Variants in KCNK2 observed in about 807,000 individuals in gnomAD.
KCNK2 encodes potassium channel subfamily K member 2.
KCNK2 carries 21 observed loss-of-function variants against 40.5 expected under a neutral mutation model. The ratio of observed to expected loss-of-function variants is 0.52; its 90% confidence interval spans 0.37 to 0.75. The LOEUF (loss-of-function observed/expected upper bound fraction) is 0.75, where lower values mean the gene tolerates loss of function less well. KCNK2 is among the 30% of genes least tolerant of loss of function. The pLI is 0.00. For synonymous variants in KCNK2, 191 were observed against 202.2 expected, an observed-to-expected ratio of 0.94 and a Z score of 0.47; for missense variants, 399 against 531.6, an observed-to-expected ratio of 0.75 and a Z score of 2.45.
chr1:215,047,313 C>T (rs1421669326), intron 1 of KCNK2, among the ~76,000 whole-genome samples: 2 of 151,982 alleles, frequency 1.3e-5, no homozygotes, highest in East Asian at 1.9e-4. Flanking sequence ...TTAAAAGACA[C>T]AGAACTTTAG....
At chr1:215,040,072 T>C (rs1657514577) in intron 1 of KCNK2, among the ~76,000 whole-genome samples, 1 of 152,128 alleles carries the variant, frequency 6.6e-6, no homozygotes. Context: ...TTAATGTATT[T>C]CAGTTCCCGT....
At chr1:215,185,953 T>C (rs1421174590) in intron 5 of KCNK2, among the ~76,000 whole-genome samples, 1 of 152,244 alleles carries the variant, frequency 6.6e-6, no homozygotes, top group African/African-American at 2.4e-5. Context: ...TGGAAAGTGA[T>C]TTATAAATGT....
intron 1 of KCNK2, among the ~76,000 whole-genome samples, chr1:215,033,549 G>T (rs926585171): frequency 2.0e-5 from 3 of 152,104 alleles, no homozygotes; most frequent in African/African-American, 4.8e-5. Flanking sequence ...ACATTGCCAT[G>T]ATTCCATTTC....
intron 1 of KCNK2, among the ~76,000 whole-genome samples, chr1:215,038,039 T>C (rs954791579): frequency 1.3e-5 from 2 of 152,026 alleles, no homozygotes; most frequent in African/African-American, 4.8e-5. Flanking sequence ...AGGAAGAAGA[T>C]TCTAGCTCTT....
rs1444742263 is a variant in KCNK2 at position 215,145,375 on chromosome 1, A to AAGACACCT, written c.475+20626_475+20633dup. ...GAGTAGCAGAGCTAGGATTTAAACC[A>AAGACACCT]AGACACCTGGGCTCTAGAGCCTGAA... is the stretch of plus-strand genomic sequence containing the variant. On this transcript the variant is annotated intron_variant, in intron 3 of 6. Coordinates refer to ENST00000444842, the MANE Select transcript of KCNK2 (RefSeq NM_001017425.3). Among the ~76,000 whole-genome samples the AAGACACCT allele has an allele frequency of 7.2e-5, 11 of 152,304 alleles. No individual in the cohort carries two copies. The South Asian group carries it at 2.1e-3, about 29-fold the overall frequency.
upstream of KCNK2, among the ~76,000 whole-genome samples, chr1:215,079,988 TC>T: frequency 6.6e-6 from 1 of 152,120 alleles, no homozygotes; most frequent in South Asian, 2.1e-4. Context: ...ACATCACTTC[TC>T]CCCCAACCCC....
chr1:215,038,007 G>A (rs535080818), intron 1 of KCNK2, among the ~76,000 whole-genome samples: 1 of 152,106 alleles, frequency 6.6e-6, no homozygotes, highest in African/African-American at 2.4e-5. Flanking sequence ...GATGTAGGTT[G>A]TCAGTCTTCT....
chr1:215,212,362 A>G (rs1233182757), intron 6 of KCNK2, among the ~76,000 whole-genome samples: 1 of 152,118 alleles, frequency 6.6e-6, no homozygotes, highest in Non-Finnish European at 1.5e-5. Context: ...AAGGTTTTTA[A>G]ATATTTTTAA....
At chr1:215,097,505 T>A (rs567545099) in intron 2 of KCNK2, among the ~76,000 whole-genome samples, 12,097 of 46,010 alleles carry the variant, frequency 0.26, 539 homozygotes, top group Non-Finnish European at 0.42. Flanking sequence ...AAAGAAAAAT[T>A]TTTTTTTGGC....
chr1:215,020,188 G>A (rs1656742421), intron 1 of KCNK2, among the ~76,000 whole-genome samples: 1 of 152,148 alleles, frequency 6.6e-6, no homozygotes, highest in African/African-American at 2.4e-5. Context: ...CTTTAAGGAT[G>A]GCTTTGTGCT....
At chr1:215,066,615 T>C (rs1658553651) in intron 1 of KCNK2, among the ~76,000 whole-genome samples, 1 of 152,206 alleles carries the variant, frequency 6.6e-6, no homozygotes, top group South Asian at 2.1e-4. Flanking sequence ...CTGCCTCTCA[T>C]TTCTGATTCC....
intron 2 of KCNK2, among the ~76,000 whole-genome samples, chr1:215,098,341 T>C (rs1660070384): frequency 1.3e-5 from 2 of 151,918 alleles, no homozygotes; most frequent in Non-Finnish European, 2.9e-5. Context: ...CAAAGAGTCA[T>C]GGTGACTCTT....
chr1:215,171,766 T>C (rs962768155), intron 4 of KCNK2, among the ~76,000 whole-genome samples: 25 of 152,160 alleles, frequency 1.6e-4, no homozygotes, highest in African/African-American at 6.0e-4. Flanking sequence ...TTAGCATTGA[T>C]TGATTTATTG....
intron 1 of KCNK2, among the ~76,000 whole-genome samples, chr1:215,060,611 G>A (rs1658332407): frequency 6.6e-6 from 1 of 152,148 alleles, no homozygotes; most frequent in Non-Finnish European, 1.5e-5. Flanking sequence ...GATCAGAGTA[G>A]CCGTAGAAAA....
upstream of KCNK2, among the ~76,000 whole-genome samples, chr1:215,079,538 G>C (rs971589743): frequency 1.3e-5 from 2 of 152,156 alleles, no homozygotes; most frequent in African/African-American, 4.8e-5. Context: ...TAAGCAACCA[G>C]ATGTCATGAG....
At chr1:215,111,364 A>G (rs1052592300) in intron 2 of KCNK2, among the ~76,000 whole-genome samples, 15 of 152,126 alleles carry the variant, frequency 9.9e-5, no homozygotes, top group African/African-American at 3.6e-4. Context: ...AGGGTGTTAT[A>G]TATGACTATT....
rs777449271 is a variant in KCNK2 at position 215,086,607 on chromosome 1, G to C, written c.286G>C (p.Val96Leu). Residue 96 changes from valine to leucine, a missense_variant, in exon 2 of 7, where the codon GTG becomes CTG. Physicochemically the swap from Val to Leu is conservative, Grantham distance 32. Transcript: ENST00000444842. ...TGAGATTTCACAGAGGACCACCATT[G>C]TGATCCAGAAGCAAACATTCATATC... is the stretch of plus-strand genomic sequence containing the variant. ...PHEISQRTTI[V>L]IQKQTFISQH... 2 of 1,614,082 alleles carry C rather than the reference G, an allele frequency of 1.2e-6. No individual in the cohort carries two copies. The highest frequency in any genetic ancestry group is 2.7e-5 in the African/African-American group (2 of 74,924).
intron 3 of KCNK2, among the ~76,000 whole-genome samples, chr1:215,164,967 T>C (rs1663376679): frequency 6.6e-6 from 1 of 152,180 alleles, no homozygotes; most frequent in Non-Finnish European, 1.5e-5. Context: ...TTGTAATCCA[T>C]GGCAAAAGCA....
chr1:215,070,600 G>C (rs1658721135), intron 1 of KCNK2, among the ~76,000 whole-genome samples: 1 of 151,972 alleles, frequency 6.6e-6, no homozygotes, highest in Admixed American at 6.6e-5. Flanking sequence ...ATCAGATTTT[G>C]TGAGACTTAT....
Sources: gnomAD v4.1 joint callset for allele counts (sites outside exome capture counted in the v4.1 genomes callset) on GRCh38, gnomAD v4.1.1 for gene constraint, MANE v1.5 for transcripts, NCBI Gene and HGNC (gene_info 2026-07-23, HGNC 2026-07-21) for gene names.